ACTL8: variants seen among roughly 807,000 people sequenced by gnomAD.
ACTL8 encodes the protein actin like 8, also known as actin-like protein 8.
In ACTL8, 3 loss-of-function variants were observed where a neutral mutation model predicts 9.3. That is an observed-to-expected ratio of 0.32 (90% CI 0.15 to 0.83). ACTL8 has a LOEUF of 0.83. Ranked by LOEUF, ACTL8 falls within the 40% of genes least tolerant of loss-of-function variation. ACTL8 has a pLI of 0.57. For missense variants in ACTL8, 381 were observed against 492.2 expected (o/e 0.77, Z 2.14); for synonymous variants, 224 against 205.9 (o/e 1.09, Z -0.75).
rs746607498 is a variant in ACTL8, at chr1:17,826,153, C to T, written c.735C>T (p.Arg245=). 2.5e-6 allele frequency: 4 copies of T among 1,612,218 alleles called. No individual in the cohort carries two copies. The highest frequency in any genetic ancestry group is 1.7e-6 in the Non-Finnish European group (2 of 1,179,340). The change falls in exon 3 of 3, where the codon CGC becomes CGT. Residue 245 remains arginine, a synonymous_variant. Coordinates refer to ENST00000375406, the MANE Select transcript of ACTL8 (RefSeq NM_030812.3). This position sits in a 1 kb window ranked among gnomAD's most constrained non-coding sequence, Gnocchi z 4.5. ...SNTYQLPDGS[R]VELTPMQRVA... is the part of the protein sequence containing the mutation. ...CCTATCAGCTCCCAGACGGCTCCCG[C>T]GTGGAGCTGACCCCCATGCAGCGGG... is the stretch of plus-strand genomic sequence containing the variant.
intron 1 of ACTL8, among the ~76,000 whole-genome samples, chr1:17,777,703 G>A (rs1288971857): frequency 2.0e-5 from 3 of 152,132 alleles, no homozygotes; most frequent in Admixed American, 6.5e-5. Flanking sequence ...ATCTGAGGCC[G>A]GCTGCCTTTT....
At chr1:17,765,143 C>T (rs184288472) in intron 1 of ACTL8, among the ~76,000 whole-genome samples, 11 of 152,272 alleles carry the variant, frequency 7.2e-5, no homozygotes, top group African/African-American at 2.2e-4. Flanking sequence ...GAGCAGGCAG[C>T]GATCACCGGG....
At chr1:17,794,867 G>A (rs908808582) in intron 1 of ACTL8, among the ~76,000 whole-genome samples, 8 of 152,192 alleles carry the variant, frequency 5.3e-5, no homozygotes, top group Non-Finnish European at 1.2e-4. Flanking sequence ...GAGTGGGAGA[G>A]GGGGCTGGTT....
chr1:17,824,231 T>C (rs1486876847), intron 2 of ACTL8, among the ~76,000 whole-genome samples: 1 of 152,184 alleles, frequency 6.6e-6, no homozygotes, highest in Non-Finnish European at 1.5e-5. Context: ...GGCAACCCAG[T>C]GAGCCAAATC....
chr1:17,803,047 A>G (rs1176186381), intron 1 of ACTL8, among the ~76,000 whole-genome samples: 2 of 152,192 alleles, frequency 1.3e-5, no homozygotes, highest in Admixed American at 6.5e-5. Flanking sequence ...TGCCTATCCA[A>G]ATCTCATCTT....
At chr1:17,755,575 T>C (rs1220166818) in intron 1 of ACTL8, 71 bp downstream of exon 1, 7 of 145,500 alleles carry the variant, frequency 4.8e-5, no homozygotes, top group African/African-American at 1.5e-4. Flanking sequence ...TTTTTTTTTG[T>C]CCTTCCTGTG....
intron 1 of ACTL8, among the ~76,000 whole-genome samples, chr1:17,788,590 T>C (rs912700173): frequency 6.6e-6 from 1 of 152,160 alleles, no homozygotes; most frequent in Admixed American, 6.5e-5. Flanking sequence ...GACAGCTGAG[T>C]CAGCCAGGTG....
chr1:17,790,988 A>T (rs1350900045), intron 1 of ACTL8, among the ~76,000 whole-genome samples: 1 of 151,900 alleles, frequency 6.6e-6, no homozygotes, highest in Non-Finnish European at 1.5e-5. Context: ...AGCAGGGGGA[A>T]GCCAGGCAGT....
At chr1:17,817,073 A>G (rs2066430879) in intron 1 of ACTL8, among the ~76,000 whole-genome samples, 1 of 150,060 alleles carries the variant, frequency 6.7e-6, no homozygotes, top group Non-Finnish European at 1.5e-5. Context: ...TTTGTTTTTT[A>G]TTTGTTTTTT....
intron 1 of ACTL8, among the ~76,000 whole-genome samples, chr1:17,809,751 GA>G (rs886517792): frequency 7.2e-5 from 11 of 151,890 alleles, no homozygotes; most frequent in African/African-American, 2.7e-4. Flanking sequence ...CTAGTTGCAG[GA>G]AAACAAGCTC....
chr1:17,820,736 T>A (rs1244027454), intron 1 of ACTL8, among the ~76,000 whole-genome samples: 1 of 152,002 alleles, frequency 6.6e-6, no homozygotes, highest in Non-Finnish European at 1.5e-5. Context: ...CCCAGCTAAT[T>A]TTTTTTGTTT....
intron 1 of ACTL8, among the ~76,000 whole-genome samples, chr1:17,765,148 A>G (rs544745102): frequency 7.2e-4 from 110 of 152,284 alleles, no homozygotes; most frequent in Non-Finnish European, 9.4e-4. Context: ...GGCAGCGATC[A>G]CCGGGTCTGG....
chr1:17,773,332 C>T (rs183057232), intron 1 of ACTL8, among the ~76,000 whole-genome samples: 1 of 152,228 alleles, frequency 6.6e-6, no homozygotes. Context: ...CTGTGCCTTG[C>T]TCTGTGAGCT....
At chr1:17,808,017 C>G (rs1488316090) in intron 1 of ACTL8, among the ~76,000 whole-genome samples, 3 of 152,166 alleles carry the variant, frequency 2.0e-5, no homozygotes, top group African/African-American at 7.2e-5. Context: ...ATGTTAGCAG[C>G]AGTAGCAGTG....
intron 1 of ACTL8, among the ~76,000 whole-genome samples, chr1:17,780,037 T>C (rs909147709): frequency 2.0e-5 from 3 of 152,058 alleles, no homozygotes; most frequent in South Asian, 4.2e-4. Context: ...GGAGACCCTT[T>C]CTCTACAAAA....
chr1:17,766,436 G>A (rs556712383), intron 1 of ACTL8, among the ~76,000 whole-genome samples: 2 of 152,188 alleles, frequency 1.3e-5, no homozygotes, highest in African/African-American at 4.8e-5. Flanking sequence ...ACACACACTC[G>A]GTCTGGGACC....
At chr1:17,778,427 A>G (rs1184446052) in intron 1 of ACTL8, among the ~76,000 whole-genome samples, 1 of 152,054 alleles carries the variant, frequency 6.6e-6, no homozygotes, top group African/African-American at 2.4e-5. Flanking sequence ...CTGAATCATC[A>G]TTTCATTCCC....
chr1:17,787,569 C>A (rs1223467384), intron 1 of ACTL8, among the ~76,000 whole-genome samples: 1 of 152,204 alleles, frequency 6.6e-6, no homozygotes. Flanking sequence ...CCGCGCCAGG[C>A]CTCTAGTGCA....
chr1:17,823,370 G>A lies in ACTL8; in HGVS notation c.348+14G>A. On this transcript the variant is annotated intron_variant, in intron 2 of 2. Transcript: ENST00000375406. This position sits in a 1 kb window ranked among gnomAD's most constrained non-coding sequence, Gnocchi z 5.3. Reference sequence around the variant, plus strand: ...AAGATGCTGGAGGTGAGGCCTGCCGGGGCCTGCTCCCACTCGGGAGCGGGA... The same window carrying A: ...AAGATGCTGGAGGTGAGGCCTGCCGAGGCCTGCTCCCACTCGGGAGCGGGA... 1 of 1,603,470 alleles carries A rather than the reference G, an allele frequency of 6.2e-7. No individual in the cohort carries two copies. Among genetic ancestry groups the A allele is most frequent in the Non-Finnish European group, 8.5e-7 (1 of 1,174,888 alleles).
Sources: allele counts gnomAD v4.1 joint callset (sites outside exome capture counted in the v4.1 genomes callset), GRCh38; gene constraint gnomAD v4.1.1; non-coding constraint Gnocchi (gnomAD v3.1); transcripts MANE v1.5; gene names NCBI Gene and HGNC (gene_info 2026-07-23, HGNC 2026-07-21).